SMC5: variants seen among roughly 807,000 people sequenced by gnomAD.
The protein encoded by SMC5 is structural maintenance of chromosomes protein 5.
SMC5 carries 88 observed loss-of-function variants against 148.3 expected under a neutral mutation model. The observed-to-expected ratio is 0.59, with a 90% confidence interval of 0.50 to 0.71. The LOEUF (loss-of-function observed/expected upper bound fraction) is 0.71. SMC5 is among the 30% of genes least tolerant of loss of function. The pLI, the probability that SMC5 is intolerant of heterozygous loss-of-function variation, is 0.00. For synonymous variants in SMC5, 421 were observed against 432.8 expected (o/e 0.97, Z 0.34); for missense variants, 1,142 against 1,298.9 (o/e 0.88, Z 1.86).
rs999860729 is a variant in SMC5 at position 70,323,335 on chromosome 9, C to T, written c.2151-148C>T. The T allele has an allele frequency of 1.3e-5, 9 of 671,686 alleles. No individual in the cohort carries two copies. The African/African-American group carries it at 1.5e-4, about 11-fold the overall frequency. 41.6% of individuals were successfully genotyped at this position (671,686 alleles called of 1,614,324 possible). A position where few individuals can be genotyped will look rare whatever the true frequency, so the allele number is the denominator to read the frequency against. On this transcript the variant is annotated intron_variant, in intron 15 of 24. Transcript: ENST00000361138. ...ACAATATTAATAGCAACAGAAACAA[C>T]TTATATTGATTGATCGGTTATGGGC... is the stretch of plus-strand genomic sequence containing the variant.
At chr9:70,274,115 T>C (rs2034521517) in intron 3 of SMC5, among the ~76,000 whole-genome samples, 1 of 152,250 alleles carries the variant, frequency 6.6e-6, no homozygotes. Context: ...ATCTTCTCGC[T>C]TAGTCGCCCA....
At chr9:70,280,974 C>T (rs2034734566) in intron 6 of SMC5, 75 bp downstream of exon 6, 2 of 1,520,650 alleles carry the variant, frequency 1.3e-6, no homozygotes, top group Non-Finnish European at 9.0e-7. Flanking sequence ...GTATTAGTTA[C>T]TGTGTATTCA....
At chr9:70,284,758 A>G (rs762901687) in intron 7 of SMC5, among the ~76,000 whole-genome samples, 1 of 152,214 alleles carries the variant, frequency 6.6e-6, no homozygotes, top group East Asian at 1.9e-4. Context: ...ACCTTATGTC[A>G]GTCTATAGTA....
rs753936970 is a variant in SMC5, at chr9:70,354,059, A to G, written c.*1728A>G. The G allele has an allele frequency of 2.6e-5, 4 of 152,252 alleles. No homozygotes were observed. Among genetic ancestry groups the G allele is most frequent in the Admixed American group, 6.5e-5 (1 of 15,288 alleles). The allele number at this position is 152,252 out of a possible 1,614,324, so 9.4% of individuals were successfully genotyped here. A position where few individuals can be genotyped will look rare whatever the true frequency, so the allele number is the denominator to read the frequency against. ...ATTTACATAGGCCAACAACTGTTCCATACTTTGTTTGTAAACATTTAATTT... is the reference window on the plus strand; with the variant it reads ...ATTTACATAGGCCAACAACTGTTCCGTACTTTGTTTGTAAACATTTAATTT... On this transcript the variant is annotated 3_prime_UTR_variant, in exon 25 of 25. Transcript: ENST00000361138.
intron 11 of SMC5, chr9:70,310,856 G>T (rs1219083257): frequency 1.3e-5 from 2 of 152,204 alleles, no homozygotes; most frequent in Non-Finnish European, 2.9e-5. Context: ...TTATGGAAAT[G>T]ACTTCTTCCC....
rs2036842733 is a variant in SMC5 at position 70,353,225 on chromosome 9, TCA to T, written c.*895_*896del. On this transcript the variant is annotated 3_prime_UTR_variant, in exon 25 of 25. Coordinates refer to ENST00000361138, the MANE Select transcript of SMC5 (RefSeq NM_015110.4). ...TTCTACAATTTATATTTGAAATTTC[TCA>T]GTGTTATGTAAAGAGTGATGGAAAA... 1 of 152,146 alleles carries T rather than the reference TCA, an allele frequency of 6.6e-6. No homozygotes were observed. The highest frequency in any genetic ancestry group is 6.5e-5 in the Admixed American group (1 of 15,282). 9.4% of individuals were successfully genotyped at this position (152,146 alleles called of 1,614,324 possible).
chr9:70,285,193 C>G (rs1445667664), intron 7 of SMC5, among the ~76,000 whole-genome samples: 1 of 152,046 alleles, frequency 6.6e-6, no homozygotes, highest in African/African-American at 2.4e-5. Flanking sequence ...GACATGATTT[C>G]CTAGGAGGGC....
At chr9:70,273,978 C>T (rs1587625366) in intron 3 of SMC5, among the ~76,000 whole-genome samples, 2 of 152,148 alleles carry the variant, frequency 1.3e-5, no homozygotes, top group East Asian at 3.9e-4. Flanking sequence ...AGATTGATAC[C>T]TTAATTACTG....
At position 70,316,082 on chromosome 9, in the gene SMC5, G is replaced by T. The variant is rs140953886; in HGVS notation, c.1806+504G>T. ...ACTTCTCATAGGATTTGTTTGGCTA[G>T]TACATACAGCCAAAGAAACTCCTAG... On this transcript the variant is annotated intron_variant, in intron 13 of 24. Coordinates refer to ENST00000361138, the MANE Select transcript of SMC5 (RefSeq NM_015110.4). 1.7e-3 allele frequency among the ~76,000 whole-genome samples: 254 copies of T among 152,104 alleles called. 1 individual carries two copies. Among genetic ancestry groups the T allele is most frequent in the African/African-American group, 5.8e-3 (243 of 41,542 alleles).
At chr9:70,313,396 A>T (rs750727702) in intron 11 of SMC5, among the ~76,000 whole-genome samples, 11 of 152,188 alleles carry the variant, frequency 7.2e-5, no homozygotes, top group Non-Finnish European at 1.2e-4. Flanking sequence ...TGCTAATTCT[A>T]ACATCTAGGT....
rs190046854 is a variant in SMC5 at position 70,346,412 on chromosome 9, C to T, written c.2524-193C>T. ...AAACAATGTACTGATTGCCTCCCCT[C>T]AAAAAAAAAAGTATATGTTCTAATT... On this transcript the variant is annotated intron_variant, in intron 18 of 24. Transcript: ENST00000361138. The T allele has an allele frequency of 9.1e-5, 47 of 519,032 alleles. No homozygotes were observed. The East Asian group carries it at 1.6e-3, about 17-fold the overall frequency. 32.2% of individuals were successfully genotyped at this position (519,032 alleles called of 1,614,324 possible).
At chr9:70,348,780 A>G (rs534115477) in intron 22 of SMC5, among the ~76,000 whole-genome samples, 17 of 152,290 alleles carry the variant, frequency 1.1e-4, no homozygotes, top group African/African-American at 3.4e-4. Flanking sequence ...ATGCATTGCA[A>G]TTTGGGCTAA....
chr9:70,315,501 A>G lies in SMC5; in HGVS notation c.1729A>G (p.Met577Val). 6.2e-7 allele frequency: 1 copy of G among 1,601,080 alleles called. No individual in the cohort carries two copies. Among genetic ancestry groups the G allele is most frequent in the African/African-American group, 1.3e-5 (1 of 74,760 alleles). Residue 577 changes from methionine to valine, a missense_variant, in exon 13 of 25, where the codon ATG (methionine) becomes GTG (valine). By Grantham distance (21) the Met-to-Val change is conservative. This residue lies in a region of SMC5 where 743 missense variants were observed against 835.7 expected (regional missense o/e 0.89). Transcript: ENST00000361138. The part of the protein sequence containing the change: ...RELFDAPDPV[M>V]SYLCCQYHIH... ...ATTATTTGATGCACCTGATCCTGTA[A>G]TGAGTTACCTTTGCTGTCAGTATCA...
chr9:70,350,139 G>A lies in SMC5; in HGVS notation c.2915G>A (p.Arg972Gln), dbSNP rs2036770852. 13 of 1,607,150 alleles carry A rather than the reference G, an allele frequency of 8.1e-6. No individual in the cohort carries two copies. The highest frequency in any genetic ancestry group is 1.7e-4 in the Middle Eastern group (1 of 5,918). The change falls in exon 23 of 25, where the codon CGA (arginine) becomes CAA (glutamine). Residue 972 changes from arginine (R) to glutamine (Q), a missense_variant. Arg to Gln is a conservative substitution (Grantham distance 43, BLOSUM62 1). This residue lies in a region of SMC5 where 743 missense variants were observed against 835.7 expected (regional missense o/e 0.89). Coordinates refer to ENST00000361138, the MANE Select transcript of SMC5 (RefSeq NM_015110.4). ...GAAGATTATGATAAATATGGAATTC[G>A]AATTAGAGTCAAATTTCGAAGTAGT... The part of the protein sequence containing the change: ...NEEDYDKYGI[R>Q]IRVKFRSSTQ...
intron 4 of SMC5, among the ~76,000 whole-genome samples, chr9:70,278,083 A>G (rs1390457424): frequency 1.3e-5 from 2 of 152,194 alleles, no homozygotes; most frequent in South Asian, 2.1e-4. Context: ...CTTTTTATTT[A>G]TTTTAACACT....
Position 70,323,874 on chromosome 9 carries a change from G to A in SMC5, c.2275-147G>A. The A allele has an allele frequency of 5.9e-6, 5 of 841,122 alleles. No individual in the cohort carries two copies. The South Asian group carries it at 9.1e-5, about 15-fold the overall frequency. 52.1% of individuals were successfully genotyped at this position (841,122 alleles called of 1,614,324 possible). A position where few individuals can be genotyped will look rare whatever the true frequency, so the allele number is the denominator to read the frequency against. ...AAAGGAAAACACTTTCTAAAAAATT[G>A]TTACAAGAACTGTTTGAGAGAGATG... On this transcript the variant is annotated intron_variant, in intron 16 of 24. Transcript: ENST00000361138.
At chr9:70,285,520 T>C (rs1338644647) in intron 7 of SMC5, among the ~76,000 whole-genome samples, 1 of 152,200 alleles carries the variant, frequency 6.6e-6, no homozygotes, top group East Asian at 1.9e-4. Flanking sequence ...ACATTGTTTG[T>C]ACAAACACGC....
intron 5 of SMC5, among the ~76,000 whole-genome samples, chr9:70,280,296 T>A (rs1191219855): frequency 6.6e-6 from 1 of 152,258 alleles, no homozygotes; most frequent in African/African-American, 2.4e-5. Context: ...AATGGCTAAT[T>A]CTTAGCTTTC....
chr9:70,280,970 G>A, intron 6 of SMC5, 71 bp downstream of exon 6: 1 of 1,529,944 alleles, frequency 6.5e-7, no homozygotes. Context: ...GAAAGTATTA[G>A]TTACTGTGTA....
Sources: allele counts gnomAD v4.1 joint callset (sites outside exome capture counted in the v4.1 genomes callset), GRCh38; gene constraint gnomAD v4.1.1; regional missense constraint gnomAD v4.1.1; transcripts MANE v1.5; gene names NCBI Gene and HGNC (gene_info 2026-07-23, HGNC 2026-07-21).